The following BRAP variants were observed in gnomAD, a reference collection of about 807,000 sequenced individuals.
The protein encoded by BRAP is BRCA1-associated protein.
Under a neutral mutation model 73.4 loss-of-function variants are expected in BRAP, and 42 were observed. The observed-to-expected ratio is 0.57, with a 90% CI of 0.45 to 0.74. BRAP has a LOEUF of 0.74. Among genes scored for constraint, BRAP ranks in the 30% least tolerant of loss-of-function variants. The pLI is 0.00. For missense variants in BRAP, 593 were observed against 751.4 expected (o/e 0.79, Z 2.46); for synonymous variants, 255 against 267.4 (o/e 0.95, Z 0.45).
rs767635287 is a variant in BRAP at position 111,679,181 on chromosome 12, T to A, written c.603A>T (p.Gln201His). 6.3e-7 allele frequency: 1 copy of A among 1,590,938 alleles called. No homozygotes were observed. Among genetic ancestry groups the A allele is most frequent in the African/African-American group, 1.3e-5 (1 of 74,138 alleles). ...MKIIRDSTPNQYMVLIKFRAQ... is the reference protein window; with the variant it reads ...MKIIRDSTPNHYMVLIKFRAQ... Reference sequence around the variant, plus strand: ...CACGAAACTTTATCAGCACCATATATTGGTTGGGAGTAGAGTCTCTGATAA... The same window carrying A: ...CACGAAACTTTATCAGCACCATATAATGGTTGGGAGTAGAGTCTCTGATAA... Residue 201 changes from glutamine to histidine, a missense_variant, in exon 4 of 12, where the codon CAA (glutamine) becomes CAT (histidine). Physicochemically the swap from Gln to His is conservative, Grantham distance 24. Transcript: ENST00000419234.
chr12:111,659,423 G>A (rs1398398930), intron 7 of BRAP, 78 bp from the exon 8 acceptor site: 8 of 1,390,072 alleles, frequency 5.8e-6, no homozygotes, highest in East Asian at 4.8e-5. Flanking sequence ...GGAGGCCGAG[G>A]CAGATGGATC....
Position 111,677,648 on chromosome 12 carries a change from CTTA to C in BRAP, c.633+1500_633+1502del, listed in dbSNP as rs67698314. On this transcript the variant is annotated intron_variant, in intron 4 of 11. Coordinates refer to ENST00000419234, the MANE Select transcript of BRAP (RefSeq NM_006768.5). ...AACGTTGGATATTATCATCATTATC[CTTA>C]TTATTACATGTGCTACCAGACTGAA... Among the ~76,000 whole-genome samples the C allele has an allele frequency of 3.7e-3, 557 of 152,266 alleles. 2 individuals are homozygous for C. The highest frequency in any genetic ancestry group is 6.0e-3 in the Non-Finnish European group (407 of 68,018).
chr12:111,655,607 C>G lies in BRAP; in HGVS notation c.1270G>C (p.Glu424Gln). The change falls in exon 10 of 12, where the codon GAA becomes CAA. Residue 424 changes from glutamate (E) to glutamine (Q), a missense_variant. Physicochemically the swap from Glu to Gln is conservative, Grantham distance 29 (BLOSUM62 2). This residue lies in a region of BRAP where 143 missense variants were observed against 190.4 expected (regional missense o/e 0.75). Transcript: ENST00000419234. ...SQLESQRIYW[E>Q]NKIVRIEKDT... ...TTCTCTATCCGAACTATCTTGTTTT[C>G]CCAGTAGATTCGCTGAGATTCCAGC... The G allele has an allele frequency of 6.2e-7, 1 of 1,613,892 alleles. No homozygotes were observed. The highest frequency in any genetic ancestry group is 8.5e-7 in the Non-Finnish European group (1 of 1,179,814).
intron 6 of BRAP, among the ~76,000 whole-genome samples, chr12:111,662,468 T>G (rs1441401160): frequency 6.6e-6 from 1 of 152,074 alleles, no homozygotes; most frequent in East Asian, 1.9e-4. Context: ...GAGAATCGCT[T>G]GAACCCAGGA....
chr12:111,645,499 G>A (rs1442278704), intron 11 of BRAP, among the ~76,000 whole-genome samples: 1 of 152,174 alleles, frequency 6.6e-6, no homozygotes, highest in Admixed American at 6.6e-5. Flanking sequence ...GTGCCTTCGA[G>A]ATGATAGCTG....
At chr12:111,647,362 G>T (rs778370533) in intron 11 of BRAP, among the ~76,000 whole-genome samples, 2 of 152,168 alleles carry the variant, frequency 1.3e-5, no homozygotes, top group East Asian at 3.9e-4. Context: ...ATTTAGATGT[G>T]CTAGTATGAA....
At chr12:111,649,654 C>T (rs1312365594) in intron 11 of BRAP, among the ~76,000 whole-genome samples, 3 of 152,224 alleles carry the variant, frequency 2.0e-5, no homozygotes, top group Admixed American at 2.0e-4. Flanking sequence ...CTCAAAGAAG[C>T]CGAAGGCTCT....
rs573308354 is a variant in BRAP at position 111,669,228 on chromosome 12, C to G, written c.747+3433G>C. 1.0e-3 allele frequency among the ~76,000 whole-genome samples: 155 copies of G among 151,528 alleles called. 1 individual carries two copies. Among genetic ancestry groups the G allele is most frequent in the African/African-American group, 3.3e-3 (138 of 41,288 alleles). On this transcript the variant is annotated intron_variant, in intron 5 of 11. Coordinates refer to ENST00000419234, the MANE Select transcript of BRAP (RefSeq NM_006768.5). ...AAACAGACAATAACTATTTGCTTCT[C>G]TCTCTTTTTTTTTTTTTTGAGACGG...
At position 111,685,942 on chromosome 12, in the gene BRAP, C is replaced by T; in HGVS notation, c.-150G>A. 2.3e-6 allele frequency: 1 copy of T among 433,606 alleles called. No individual in the cohort carries two copies. The allele number at this position is 433,606 out of a possible 1,614,324, so 26.9% of individuals were successfully genotyped here. A position where few individuals can be genotyped will look rare whatever the true frequency, so the allele number is the denominator to read the frequency against. ...CAGCAGCAGCTCCTCGAACAGCCCT[C>T]GGAGCCACAACAACCTCCACTTCCG... On this transcript the variant is annotated 5_prime_UTR_variant, in exon 1 of 12. Transcript: ENST00000419234.
intron 11 of BRAP, among the ~76,000 whole-genome samples, chr12:111,645,639 T>C (rs1215979305): frequency 1.3e-5 from 2 of 152,154 alleles, no homozygotes; most frequent in African/African-American, 4.8e-5. Context: ...AGTGCCCTAT[T>C]CTTGATGTCC....
chr12:111,647,420 T>G (rs1046207284), intron 11 of BRAP, among the ~76,000 whole-genome samples: 3 of 152,356 alleles, frequency 2.0e-5, no homozygotes. Flanking sequence ...TAGATTCTAT[T>G]TTTGCAGAGA....
intron 4 of BRAP, among the ~76,000 whole-genome samples, 171 bp downstream of exon 4, chr12:111,678,980 T>C (rs1199508000): frequency 6.6e-6 from 1 of 151,850 alleles, no homozygotes; most frequent in Non-Finnish European, 1.5e-5. Flanking sequence ...TACGTTATAA[T>C]TGTATTTCTG....
At chr12:111,671,186 C>T (rs1289670161) in intron 5 of BRAP, among the ~76,000 whole-genome samples, 1 of 151,986 alleles carries the variant, frequency 6.6e-6, no homozygotes, top group Admixed American at 6.6e-5. Flanking sequence ...CAAAATGATT[C>T]CAGTGACCAC....
rs140623695 is a variant in BRAP, at chr12:111,681,691, C to A, written c.389G>T (p.Ser130Ile). The change falls in exon 3 of 12, where the codon AGT becomes ATT. Residue 130 changes from serine (S) to isoleucine (I), a missense_variant. By Grantham distance (142) the Ser-to-Ile change is moderately radical. Transcript: ENST00000419234. ...AACTATTTCAACTGATGGATTTCCA[C>A]TGAAGAATGAAATCTGGTCTGGAAG... The part of the protein sequence containing the change: ...KQLPDQISFF[S>I]GNPSVEIVHG... The A allele has an allele frequency of 1.2e-6, 2 of 1,613,528 alleles. No homozygotes were observed. The highest frequency in any genetic ancestry group is 2.7e-5 in the African/African-American group (2 of 74,812).
At position 111,643,931 on chromosome 12, in the gene BRAP, T is replaced by C; in HGVS notation, c.*268A>G. On this transcript the variant is annotated 3_prime_UTR_variant, in exon 12 of 12. Coordinates refer to ENST00000419234, the MANE Select transcript of BRAP (RefSeq NM_006768.5). ...AAAAATGCACAGCAGAGTTGGGGCT[T>C]CTACCAAGCAGGAAGGCAAAATGGT... The C allele has an allele frequency of 2.3e-6, 1 of 438,650 alleles. No individual in the cohort carries two copies. The highest frequency in any genetic ancestry group is 4.0e-6 in the Non-Finnish European group (1 of 247,448). 27.2% of individuals were successfully genotyped at this position (438,650 alleles called of 1,614,324 possible).
chr12:111,659,620 C>T (rs2135906814), intron 7 of BRAP, among the ~76,000 whole-genome samples: 1 of 152,328 alleles, frequency 6.6e-6, no homozygotes, highest in South Asian at 2.1e-4. Flanking sequence ...TGCCACTGCA[C>T]TCCAGCCTGG....
chr12:111,657,644 C>T (rs1886583672), intron 9 of BRAP, among the ~76,000 whole-genome samples: 1 of 152,056 alleles, frequency 6.6e-6, no homozygotes, highest in Non-Finnish European at 1.5e-5. Context: ...CTTTGGGAGG[C>T]TGAGGCAGGC....
chr12:111,660,755 AT>A, intron 6 of BRAP, 80 bp from the exon 7 acceptor site: 1 of 1,159,478 alleles, frequency 8.6e-7, no homozygotes, highest in Non-Finnish European at 1.2e-6. Flanking sequence ...CAAACACTGG[AT>A]TTTATATCCT....
intron 9 of BRAP, among the ~76,000 whole-genome samples, chr12:111,658,421 G>A (rs1331611504): frequency 6.6e-6 from 1 of 151,438 alleles, no homozygotes; most frequent in Admixed American, 6.6e-5. Context: ...TGCTTCCCGG[G>A]TTCAAGCGAT....
Sources: allele counts gnomAD v4.1 joint callset (sites outside exome capture counted in the v4.1 genomes callset), GRCh38; gene constraint gnomAD v4.1.1; regional missense constraint gnomAD v4.1.1; transcripts MANE v1.5; gene names NCBI Gene and HGNC (gene_info 2026-07-23, HGNC 2026-07-21).